PRELID2: variants seen among roughly 807,000 people sequenced by gnomAD.
The protein encoded by PRELID2 is PRELI domain-containing protein 2.
Under a neutral mutation model 28.4 loss-of-function variants are expected in PRELID2, and 25 were observed. The observed-to-expected ratio is 0.88, with a 90% confidence interval of 0.64 to 1.23. The LOEUF (loss-of-function observed/expected upper bound fraction) is 1.23, where lower values mean the gene tolerates loss of function less well. Ranked by LOEUF, PRELID2 falls within the 50% of genes most tolerant of loss-of-function variation. PRELID2 has a pLI of 0.00. For synonymous variants in PRELID2, 76 were observed against 71.6 expected, an observed-to-expected ratio of 1.06 and a Z score of -0.31; for missense variants, 201 against 214.4, an observed-to-expected ratio of 0.94 and a Z score of 0.39.
At chr5:145,455,046 T>A in the PRELID2 span, among the ~76,000 whole-genome samples, 1 of 152,216 alleles carries the variant, frequency 6.6e-6, no homozygotes, top group African/African-American at 2.4e-5. Context: ...AGTCATGAAA[T>A]CTTTGCCCAT....
At chr5:145,340,000 C>T in the PRELID2 span, among the ~76,000 whole-genome samples, 20 of 152,130 alleles carry the variant, frequency 1.3e-4, no homozygotes, top group South Asian at 3.9e-3. Flanking sequence ...GACTACCTGC[C>T]TACGCTGAGC....
chr5:145,759,931 A>G lies in PRELID2; in HGVS notation c.*605T>C, dbSNP rs1465452293. The G allele has an allele frequency of 1.3e-5, 2 of 152,106 alleles. No homozygotes were observed. The highest frequency in any genetic ancestry group is 2.9e-5 in the Non-Finnish European group (2 of 68,026). 9.4% of individuals were successfully genotyped at this position (152,106 alleles called of 1,614,324 possible). A position where few individuals can be genotyped will look rare whatever the true frequency, so the allele number is the denominator to read the frequency against. The stretch of plus-strand genomic sequence containing the variant: ...GTTTACATATTACATTCTAAAAGCT[A>G]TACTTATGGCAGTTACATATTACTT... On this transcript the variant is annotated 3_prime_UTR_variant, in exon 7 of 7. Transcript: ENST00000683046.
At chr5:145,651,608 T>C (rs1348059876) in intron 1 of PRELID2, among the ~76,000 whole-genome samples, 1 of 152,222 alleles carries the variant, frequency 6.6e-6, no homozygotes, top group Non-Finnish European at 1.5e-5. Context: ...CAATATTCGC[T>C]GTTCTGCAGC....
intron 1 of PRELID2, among the ~76,000 whole-genome samples, chr5:145,596,467 C>G (rs960910265): frequency 7.9e-5 from 12 of 151,998 alleles, no homozygotes; most frequent in African/African-American, 2.9e-4. Context: ...TTGGGTGATT[C>G]TTGTTCTTGT....
chr5:145,482,767 A>C (rs1479215939), intron 1 of PRELID2, among the ~76,000 whole-genome samples: 2 of 151,836 alleles, frequency 1.3e-5, no homozygotes, highest in Admixed American at 6.6e-5. Context: ...TCCTGCAACT[A>C]GATGGCCCCA....
chr5:145,774,835 T>C (rs1244989130), intron 5 of PRELID2, among the ~76,000 whole-genome samples: 4 of 152,240 alleles, frequency 2.6e-5, no homozygotes, highest in African/African-American at 7.2e-5. Flanking sequence ...TAGTCTGTGC[T>C]GAGCACATTA....
At chr5:145,316,075 A>G in the PRELID2 span, among the ~76,000 whole-genome samples, 1 of 152,164 alleles carries the variant, frequency 6.6e-6, no homozygotes, top group African/African-American at 2.4e-5. Context: ...ACATTCAGCA[A>G]TGTCAGATAT....
the PRELID2 span, among the ~76,000 whole-genome samples, chr5:145,438,213 C>T: frequency 6.6e-6 from 1 of 151,916 alleles, no homozygotes; most frequent in Admixed American, 6.6e-5. Flanking sequence ...TTTTCTTTAT[C>T]CCCCAACAAA....
the PRELID2 span, among the ~76,000 whole-genome samples, chr5:145,334,609 T>C: frequency 1.3e-5 from 2 of 152,204 alleles, no homozygotes; most frequent in African/African-American, 4.8e-5. Context: ...TTTACACTAA[T>C]AATTAGCATC....
At chr5:145,523,923 T>C (rs945016606) in intron 1 of PRELID2, among the ~76,000 whole-genome samples, 3 of 152,204 alleles carry the variant, frequency 2.0e-5, no homozygotes, top group African/African-American at 4.8e-5. Flanking sequence ...CCACTTTTGT[T>C]TGAAAAACAA....
chr5:145,314,488 T>C, the PRELID2 span, among the ~76,000 whole-genome samples: 1 of 152,180 alleles, frequency 6.6e-6, no homozygotes, highest in African/African-American at 2.4e-5. Flanking sequence ...CTATAAGTTA[T>C]AAAATTTATA....
intron 1 of PRELID2, among the ~76,000 whole-genome samples, chr5:145,706,106 A>G (rs1044865154): frequency 2.6e-5 from 4 of 152,068 alleles, no homozygotes; most frequent in Admixed American, 6.6e-5. Flanking sequence ...ATTAAATGGG[A>G]AAAAAAAGGT....
At chr5:145,433,130 C>T in the PRELID2 span, among the ~76,000 whole-genome samples, 62,832 of 151,864 alleles carry the variant, frequency 0.41, 13,330 homozygotes, top group Admixed American at 0.49. Context: ...TCTAGTGTCA[C>T]CTGTATTTCC....
At chr5:145,616,123 G>C (rs1439339108) in intron 1 of PRELID2, among the ~76,000 whole-genome samples, 1 of 152,168 alleles carries the variant, frequency 6.6e-6, no homozygotes, top group Non-Finnish European at 1.5e-5. Flanking sequence ...TAATCTGATA[G>C]GTTTTCCTTC....
chr5:145,584,298 T>A (rs1375252760), intron 1 of PRELID2, among the ~76,000 whole-genome samples: 1 of 152,044 alleles, frequency 6.6e-6, no homozygotes, highest in Non-Finnish European at 1.5e-5. Context: ...TCAAGACAGA[T>A]TAAAGACTTA....
the PRELID2 span, among the ~76,000 whole-genome samples, chr5:145,364,923 G>A: frequency 2.0e-5 from 3 of 151,938 alleles, no homozygotes; most frequent in Non-Finnish European, 2.9e-5. Context: ...CCTTCCAGTG[G>A]TAAATAAATA....
chr5:145,299,733 A>G, the PRELID2 span, among the ~76,000 whole-genome samples: 2 of 151,234 alleles, frequency 1.3e-5, no homozygotes, highest in Non-Finnish European at 2.9e-5. Context: ...GCTATTATTG[A>G]TTATCAATAG....
chr5:145,299,978 A>G, the PRELID2 span, among the ~76,000 whole-genome samples: 1 of 152,040 alleles, frequency 6.6e-6, no homozygotes, highest in African/African-American at 2.4e-5. Flanking sequence ...AACAGTAACA[A>G]ATTTTTGTCT....
chr5:145,615,110 A>G (rs371617237), intron 1 of PRELID2, among the ~76,000 whole-genome samples: 50 of 148,398 alleles, frequency 3.4e-4, no homozygotes, highest in African/African-American at 1.2e-3. Context: ...ATATATCTTT[A>G]GGACTGTGAT....
Sources: allele counts gnomAD v4.1 joint callset (sites outside exome capture counted in the v4.1 genomes callset), GRCh38; gene constraint gnomAD v4.1.1; transcripts MANE v1.5; gene names NCBI Gene and HGNC (gene_info 2026-07-23, HGNC 2026-07-21).